COG5: variants seen among roughly 807,000 people sequenced by gnomAD.
COG5 encodes the protein conserved oligomeric Golgi complex subunit 5.
Under a neutral mutation model 110.4 loss-of-function variants are expected in COG5, and 86 were observed. That is an observed-to-expected ratio of 0.78 (90% CI 0.65 to 0.93). The LOEUF is 0.93. COG5 is among the 40% of genes least tolerant of loss of function. COG5 has a pLI of 0.00. For missense variants in COG5, 1,077 were observed against 987.0 expected (o/e 1.09, Z -1.22); for synonymous variants, 360 against 334.6 (o/e 1.08, Z -0.83).
intron 6 of COG5, among the ~76,000 whole-genome samples, chr7:107,419,960 T>C (rs1793163540): frequency 6.6e-6 from 1 of 152,248 alleles, no homozygotes; most frequent in African/African-American, 2.4e-5. Flanking sequence ...TTTGAAAACC[T>C]ATTAAACCTT....
At chr7:107,534,144 C>G (rs1187877184) in intron 5 of COG5, among the ~76,000 whole-genome samples, 2 of 151,498 alleles carry the variant, frequency 1.3e-5, no homozygotes, top group African/African-American at 4.9e-5. Context: ...CCAGGCTTGC[C>G]TTACAAGAGC....
intron 6 of COG5, among the ~76,000 whole-genome samples, chr7:107,436,909 T>C (rs1045928739): frequency 6.6e-6 from 1 of 152,176 alleles, no homozygotes; most frequent in African/African-American, 2.4e-5. Flanking sequence ...AAAGCAAATA[T>C]AACCCTGATT....
chr7:107,272,718 A>C (rs746628322), intron 14 of COG5, among the ~76,000 whole-genome samples: 1 of 152,214 alleles, frequency 6.6e-6, no homozygotes, highest in Non-Finnish European at 1.5e-5. Flanking sequence ...GAATATGCTA[A>C]GACTATCTAA....
intron 11 of COG5, among the ~76,000 whole-genome samples, chr7:107,319,761 G>T (rs1380715416): frequency 4.6e-5 from 7 of 151,976 alleles, no homozygotes; most frequent in Non-Finnish European, 1.0e-4. Context: ...AATTTATTAT[G>T]CTGAGTGACT....
chr7:107,381,383 T>A (rs1338989482), intron 7 of COG5, among the ~76,000 whole-genome samples: 1 of 152,234 alleles, frequency 6.6e-6, no homozygotes, highest in Non-Finnish European at 1.5e-5. Context: ...TTCTTTAGGT[T>A]ATATTTTTGT....
chr7:107,310,622 A>T (rs1045767685), intron 11 of COG5, among the ~76,000 whole-genome samples: 2 of 152,220 alleles, frequency 1.3e-5, no homozygotes, highest in Admixed American at 1.3e-4. Context: ...TAAACCAGTT[A>T]GAGGACAGTT....
Position 107,341,963 on chromosome 7 carries a change from C to T in COG5, c.1027-17442G>A, listed in dbSNP as rs373823294. ...CCTAGGATATACCATTCTGGACATT[C>T]GCCTTGGGAAAAAATTTATGACAAA... On this transcript the variant is annotated intron_variant, in intron 10 of 21. Transcript: ENST00000297135. 5.9e-5 allele frequency among the ~76,000 whole-genome samples: 9 copies of T among 152,184 alleles called. No homozygotes were observed. In the South Asian group the frequency reaches 1.5e-3, roughly 25 times the overall value.
chr7:107,261,707 C>T (rs543905681), intron 14 of COG5, among the ~76,000 whole-genome samples: 1 of 152,276 alleles, frequency 6.6e-6, no homozygotes, highest in South Asian at 2.1e-4. Context: ...TTTACTCCAA[C>T]TCATTTATCT....
intron 6 of COG5, among the ~76,000 whole-genome samples, chr7:107,517,757 G>C (rs56967324): frequency 6.6e-6 from 1 of 151,306 alleles, no homozygotes; most frequent in African/African-American, 2.4e-5. Context: ...CAGTGCAGTG[G>C]CGCAATCTCG....
chr7:107,256,659 C>T (rs1444259939), intron 16 of COG5, 73 bp downstream of exon 16: 3 of 917,896 alleles, frequency 3.3e-6, no homozygotes, highest in Non-Finnish European at 5.3e-6. Flanking sequence ...TAAAATGTGA[C>T]ATTGCCCACT....
At chr7:107,509,948 A>C (rs938974658) in intron 6 of COG5, among the ~76,000 whole-genome samples, 2 of 152,192 alleles carry the variant, frequency 1.3e-5, no homozygotes, top group Non-Finnish European at 2.9e-5. Flanking sequence ...CAAAAACATG[A>C]CAAAATGTAA....
chr7:107,238,012 TATA>T (rs1449126087), intron 17 of COG5, among the ~76,000 whole-genome samples: 6 of 152,150 alleles, frequency 3.9e-5, no homozygotes, highest in Admixed American at 1.3e-4. Flanking sequence ...TATAATAATA[TATA>T]ATAAGGGGAT....
chr7:107,554,410 A>G, intron 2 of COG5, 68 bp from the exon 3 acceptor site: 1 of 1,330,276 alleles, frequency 7.5e-7, no homozygotes, highest in South Asian at 1.2e-5. Context: ...CACAATGTAG[A>G]ATGGACAGTC....
rs1000038820 is a variant in COG5, at chr7:107,201,574, AATAAT to A, written c.*1937_*1941del. 8.4e-6 allele frequency: 4 copies of A among 473,436 alleles called. No homozygotes were observed. The highest frequency in any genetic ancestry group is 6.0e-5 in the African/African-American group (3 of 50,046). The allele number at this position is 473,436 out of a possible 1,614,324, so 29.3% of individuals were successfully genotyped here. ...ATAGCATTGAGTCTTGAAATGATTT[AATAAT>A]ATGAGTGAGGATTTGCTTTCTCCAT... On this transcript the variant is annotated 3_prime_UTR_variant, in exon 22 of 22. Transcript: ENST00000297135.
At chr7:107,476,496 G>A (rs146988017) in intron 6 of COG5, among the ~76,000 whole-genome samples, 54 of 151,438 alleles carry the variant, frequency 3.6e-4, no homozygotes, top group African/African-American at 1.1e-3. Flanking sequence ...CTTTTCTACC[G>A]TACCATCACT....
intron 7 of COG5, among the ~76,000 whole-genome samples, chr7:107,376,365 T>C (rs1814638786): frequency 6.6e-6 from 1 of 151,992 alleles, no homozygotes; most frequent in Non-Finnish European, 1.5e-5. Context: ...ATAGATAAAA[T>C]TAGAAATAAT....
intron 6 of COG5, among the ~76,000 whole-genome samples, chr7:107,497,700 T>TA (rs1331745630): frequency 6.6e-6 from 1 of 152,136 alleles, no homozygotes; most frequent in Non-Finnish European, 1.5e-5. Flanking sequence ...TGAATACTGT[T>TA]AAAATTTCCC....
intron 12 of COG5, among the ~76,000 whole-genome samples, chr7:107,288,218 G>A (rs539016383): frequency 3.9e-5 from 6 of 152,232 alleles, no homozygotes; most frequent in East Asian, 1.9e-4. Flanking sequence ...AAAATAATTA[G>A]TCAGGCATGG....
At chr7:107,254,192 A>AT (rs1242310388) in intron 16 of COG5, among the ~76,000 whole-genome samples, 1 of 152,184 alleles carries the variant, frequency 6.6e-6, no homozygotes, top group Non-Finnish European at 1.5e-5. Context: ...AAGGACTGTT[A>AT]TATGTCTATA....
Sources: gnomAD v4.1 joint callset for allele counts (sites outside exome capture counted in the v4.1 genomes callset) on GRCh38, gnomAD v4.1.1 for gene constraint, MANE v1.5 for transcripts, NCBI Gene and HGNC (gene_info 2026-07-23, HGNC 2026-07-21) for gene names.